The following CLIC5 variants were observed in gnomAD, a reference collection of about 807,000 sequenced individuals.
The protein encoded by CLIC5 is CLIC family member 5, also known as chloride intracellular channel protein 5.
A neutral mutation model predicts 24.7 loss-of-function variants in CLIC5; 20 were observed. The observed-to-expected ratio is 0.81, with a 90% CI of 0.57 to 1.18. The LOEUF is 1.18. Ranked by LOEUF, CLIC5 falls within the 50% of genes most tolerant of loss-of-function variation. CLIC5 has a pLI of 0.00. For synonymous variants in CLIC5, 159 were observed against 135.6 expected (o/e 1.17, Z -1.20); for missense variants, 341 against 326.1 (o/e 1.05, Z -0.35).
intron 1 of CLIC5, among the ~76,000 whole-genome samples, chr6:45,967,285 G>C (rs529210124): frequency 6.6e-6 from 1 of 152,336 alleles, no homozygotes; most frequent in South Asian, 2.1e-4. Flanking sequence ...GGGATGTAGT[G>C]ATGTGGTGAT....
intron 4 of CLIC5, 82 bp from the exon 5 acceptor site, chr6:45,914,491 C>T (rs1329426079): frequency 2.2e-6 from 3 of 1,386,182 alleles, no homozygotes; most frequent in African/African-American, 1.4e-5. Flanking sequence ...TGGAGTAGCT[C>T]ATCTAGAATC....
At chr6:45,984,065 C>T (rs1361827187) in intron 1 of CLIC5, among the ~76,000 whole-genome samples, 1 of 152,084 alleles carries the variant, frequency 6.6e-6, no homozygotes, top group African/African-American at 2.4e-5. Flanking sequence ...AACCTAGGCC[C>T]TTCAAGAAAA....
intron 4 of CLIC5, among the ~76,000 whole-genome samples, chr6:45,922,168 C>T (rs1763289160): frequency 3.9e-5 from 6 of 152,210 alleles, no homozygotes; most frequent in Admixed American, 2.0e-4. Context: ...ATTTCAGCCT[C>T]AGAGGGGAGG....
chr6:45,889,322 C>G (rs768279055), intron 6 of CLIC5, among the ~76,000 whole-genome samples: 1 of 152,084 alleles, frequency 6.6e-6, no homozygotes, highest in African/African-American at 2.4e-5. Flanking sequence ...GGCATTAATC[C>G]TATTCCTGAG....
intron 4 of CLIC5, among the ~76,000 whole-genome samples, chr6:45,924,777 A>T (rs536397452): frequency 2.6e-5 from 4 of 152,066 alleles, no homozygotes; most frequent in East Asian, 1.9e-4. Context: ...ATATATATAT[A>T]TTTTCAGGGT....
chr6:46,107,837 AC>A, the CLIC5 span, among the ~76,000 whole-genome samples: 8 of 152,148 alleles, frequency 5.3e-5, no homozygotes, highest in Non-Finnish European at 1.2e-4. Context: ...GGAGTTCAAG[AC>A]CTGTCTGGCC....
intron 5 of CLIC5, among the ~76,000 whole-genome samples, chr6:45,908,956 A>G (rs1762736062): frequency 6.6e-6 from 1 of 151,336 alleles, no homozygotes; most frequent in South Asian, 2.1e-4. Flanking sequence ...TGGGTGCTCC[A>G]GTGTTGGGTG....
chr6:45,980,692 A>G (rs982618710), intron 1 of CLIC5, among the ~76,000 whole-genome samples: 4 of 151,998 alleles, frequency 2.6e-5, no homozygotes, highest in Non-Finnish European at 5.9e-5. Flanking sequence ...TATCGGTTGT[A>G]TAATTCCAAT....
the CLIC5 span, among the ~76,000 whole-genome samples, chr6:46,125,265 T>C: frequency 6.6e-6 from 1 of 152,220 alleles, no homozygotes. Context: ...AATGAGTTCA[T>C]GTCCTTTGTA....
intron 1 of CLIC5, among the ~76,000 whole-genome samples, chr6:46,076,356 G>GACTT (rs1225574925): frequency 6.6e-6 from 1 of 152,226 alleles, no homozygotes; most frequent in African/African-American, 2.4e-5. Flanking sequence ...GTGACAAACG[G>GACTT]ACTTGCAAAT....
intron 1 of CLIC5, among the ~76,000 whole-genome samples, chr6:46,047,883 T>C (rs1206492707): frequency 6.6e-6 from 1 of 152,204 alleles, no homozygotes. Flanking sequence ...ATCCACATAA[T>C]AAAATATTAA....
At chr6:45,929,134 C>G (rs1763627442) in intron 4 of CLIC5, among the ~76,000 whole-genome samples, 1 of 152,242 alleles carries the variant, frequency 6.6e-6, no homozygotes, top group East Asian at 1.9e-4. Context: ...CCCTTCTCCC[C>G]ATGCCTGCCC....
At chr6:45,956,808 A>G (rs1764660566) in intron 1 of CLIC5, among the ~76,000 whole-genome samples, 1 of 152,070 alleles carries the variant, frequency 6.6e-6, no homozygotes, top group African/African-American at 2.4e-5. Flanking sequence ...AAGCAGACCC[A>G]CCCCTGAGTC....
intron 1 of CLIC5, among the ~76,000 whole-genome samples, chr6:45,966,747 CT>C (rs1171894552): frequency 6.6e-6 from 1 of 152,222 alleles, no homozygotes. Flanking sequence ...TCTTCTTCAC[CT>C]TCCATCCCTG....
chr6:45,973,907 C>A (rs912875899), intron 1 of CLIC5, among the ~76,000 whole-genome samples: 7 of 142,274 alleles, frequency 4.9e-5, no homozygotes, highest in Admixed American at 1.4e-4. Context: ...TCCAGCCTGG[C>A]AACAGAGCAA....
intron 1 of CLIC5, among the ~76,000 whole-genome samples, chr6:46,023,230 G>A (rs535069944): frequency 3.0e-4 from 45 of 152,138 alleles, no homozygotes; most frequent in Non-Finnish European, 5.3e-4. Flanking sequence ...AATAATAATA[G>A]TTAACATTTG....
chr6:46,116,213 C>G, the CLIC5 span, among the ~76,000 whole-genome samples: 1 of 150,724 alleles, frequency 6.6e-6, no homozygotes, highest in Admixed American at 6.6e-5. Flanking sequence ...AGTCTGGAAG[C>G]AGCTTTGGAG....
the CLIC5 span, among the ~76,000 whole-genome samples, chr6:46,110,390 G>C: frequency 1.3e-5 from 2 of 152,152 alleles, no homozygotes; most frequent in African/African-American, 2.4e-5. Context: ...TGTTGGGTCT[G>C]ATCACCCCAA....
intron 1 of CLIC5, among the ~76,000 whole-genome samples, chr6:46,053,922 A>G (rs566816877): frequency 6.4e-4 from 98 of 152,310 alleles, no homozygotes; most frequent in Middle Eastern, 3.4e-3. Context: ...AAGATCAGGT[A>G]GCTTTGCTGT....
Sources: gnomAD v4.1 joint callset for allele counts (sites outside exome capture counted in the v4.1 genomes callset) on GRCh38, gnomAD v4.1.1 for gene constraint, MANE v1.5 for transcripts, NCBI Gene and HGNC (gene_info 2026-07-23, HGNC 2026-07-21) for gene names.